TESMIN: variants seen among roughly 807,000 people sequenced by gnomAD.
TESMIN encodes the protein CXC domain containing 2.
In TESMIN, 34 loss-of-function variants were observed where a neutral mutation model predicts 47.4. The ratio of observed to expected loss-of-function variants is 0.72; its 90% CI spans 0.55 to 0.96. The LOEUF (loss-of-function observed/expected upper bound fraction) is 0.96. TESMIN is among the 40% of genes least tolerant of loss of function. TESMIN has a pLI of 0.00. For synonymous variants in TESMIN, 278 were observed against 258.9 expected, an observed-to-expected ratio of 1.07 and a Z score of -0.71; for missense variants, 610 against 637.2, an observed-to-expected ratio of 0.96 and a Z score of 0.46.
intron 6 of TESMIN, chr11:68,737,794 T>G (rs7119793): frequency 0.62 from 458,084 of 741,600 alleles, 143,101 homozygotes; most frequent in East Asian, 0.78. Flanking sequence ...GCGCCTGTGG[T>G]CCCAGCTACT....
At chr11:68,720,616 G>A (rs1041665751) in intron 6 of TESMIN, among the ~76,000 whole-genome samples, 5 of 151,932 alleles carry the variant, frequency 3.3e-5, no homozygotes, top group South Asian at 2.1e-4. Flanking sequence ...TGCACCCCTC[G>A]TGCTGCTCCA....
intron 6 of TESMIN, among the ~76,000 whole-genome samples, chr11:68,716,525 C>T (rs142298725): frequency 1.7e-3 from 265 of 152,296 alleles, no homozygotes; most frequent in African/African-American, 5.5e-3. Flanking sequence ...GAGGGTTGTT[C>T]GAGAATCCTG....
chr11:68,738,832 T>C, intron 5 of TESMIN, 44 bp from the exon 6 acceptor site: 1 of 1,546,992 alleles, frequency 6.5e-7, no homozygotes, highest in Non-Finnish European at 8.9e-7. Context: ...TAGCAAGGAT[T>C]TTTAAAGTTC....
intron 5 of TESMIN, among the ~76,000 whole-genome samples, chr11:68,740,050 G>A (rs1210288736): frequency 6.6e-6 from 1 of 152,178 alleles, no homozygotes; most frequent in African/African-American, 2.4e-5. Flanking sequence ...GAATCCACGA[G>A]TTTCTTCAGC....
intron 2 of TESMIN, among the ~76,000 whole-genome samples, chr11:68,749,520 A>C (rs1023190020): frequency 6.6e-6 from 1 of 152,156 alleles, no homozygotes; most frequent in Non-Finnish European, 1.5e-5. Context: ...TTCCTTTGAA[A>C]ACTCATTAGT....
In TESMIN at chr11:68,715,918, A is replaced by G. The variant is rs774923026; in HGVS notation, c.939T>C (p.Ser313=). 1.2e-6 allele frequency: 2 copies of G among 1,612,506 alleles called. No individual in the cohort carries two copies. Among genetic ancestry groups the G allele is most frequent in the Non-Finnish European group, 1.7e-6 (2 of 1,178,578 alleles). The change falls in exon 7 of 10, where the codon AGT becomes AGC. Residue 313 remains serine, a synonymous_variant. Coordinates refer to ENST00000255087, the MANE Select transcript of TESMIN (RefSeq NM_004923.3). The stretch of plus-strand genomic sequence containing the variant: ...AATTGCAGTTGTTGCAAAAGTCCCC[A>G]CTGGCAAAGCAGTCACAGTACCTGT... ...TLAGYCDCFA[S]GDFCNNCNCN...
chr11:68,730,172 A>G (rs1204899301), intron 6 of TESMIN, among the ~76,000 whole-genome samples: 1 of 152,224 alleles, frequency 6.6e-6, no homozygotes, highest in African/African-American at 2.4e-5. Flanking sequence ...TTGCACACTG[A>G]TTGTACTACA....
In TESMIN at chr11:68,750,260, CTGCGG is replaced by C; in HGVS notation, c.396_400del (p.His132GlnfsTer26). On this transcript the variant is annotated frameshift_variant, in exon 2 of 10. Coordinates refer to ENST00000255087, the MANE Select transcript of TESMIN (RefSeq NM_004923.3). LOFTEE classifies it high-confidence loss of function. ...GGCGCCCAGGGGCAACACCGCCGGG[CTGCGG>C]TGCGCGGGTAGCAGCGAGGACAGGA... 1 of 1,543,974 alleles carries C rather than the reference CTGCGG, an allele frequency of 6.5e-7. No individual in the cohort carries two copies. The highest frequency in any genetic ancestry group is 8.7e-7 in the Non-Finnish European group (1 of 1,154,588).
intron 6 of TESMIN, chr11:68,737,015 T>C (rs1048557697): frequency 1.0e-6 from 1 of 985,428 alleles, no homozygotes; most frequent in Non-Finnish European, 1.2e-6. Context: ...TTGAATGTTC[T>C]AGACACAATA....
intron 3 of TESMIN, among the ~76,000 whole-genome samples, 189 bp from the exon 4 acceptor site, chr11:68,745,300 C>CAA (rs71993839): frequency 8.3e-4 from 60 of 72,400 alleles, no homozygotes; most frequent in South Asian, 5.5e-3. Context: ...CACCAAAGGG[C>CAA]AAAAAAAAAA....
chr11:68,746,774 T>C (rs1946525840), intron 3 of TESMIN, among the ~76,000 whole-genome samples: 1 of 152,142 alleles, frequency 6.6e-6, no homozygotes, highest in East Asian at 1.9e-4. Flanking sequence ...AAATATGACA[T>C]AAACCACAGC....
rs1410573910 is a variant in TESMIN, at chr11:68,750,205, G to C, written c.456C>G (p.Gly152=). The C allele has an allele frequency of 6.7e-7, 1 of 1,490,240 alleles. No homozygotes were observed. The highest frequency in any genetic ancestry group is 1.5e-5 in the African/African-American group (1 of 68,662). 92.3% of individuals were successfully genotyped at this position (1,490,240 alleles called of 1,614,324 possible). ...CGGTTCTTACTGGGATCATGCGGAC[G>C]CCCGGGTGGGAGGCTCCTTCCAGGA... ...AWVLEGASHP[G]VRMIPVEIKE... The change falls in exon 2 of 10, where the codon GGC becomes GGG. Residue 152 remains glycine, a synonymous_variant. Transcript: ENST00000255087.
chr11:68,750,320 G>A lies in TESMIN; in HGVS notation c.341C>T (p.Ala114Val). 2 of 1,511,038 alleles carry A rather than the reference G, an allele frequency of 1.3e-6. No individual in the cohort carries two copies. Among genetic ancestry groups the A allele is most frequent in the Non-Finnish European group, 1.8e-6 (2 of 1,134,072 alleles). 93.6% of individuals were successfully genotyped at this position (1,511,038 alleles called of 1,614,324 possible). A position where few individuals can be genotyped will look rare whatever the true frequency, so the allele number is the denominator to read the frequency against. The stretch of plus-strand genomic sequence containing the variant: ...CACGTTGCAGGCGGGCGGCTGCGGG[G>A]CCTGCAGGAGCGCGACGTCCTCCAG... ...SALEDVALLQ[A>V]PQPPACNVHF... The change falls in exon 2 of 10, where the codon GCC (alanine) becomes GTC (valine). Residue 114 changes from alanine to valine, a missense_variant. By Grantham distance (64) the Ala-to-Val change is moderately conservative. Coordinates refer to ENST00000255087, the MANE Select transcript of TESMIN (RefSeq NM_004923.3).
In TESMIN at chr11:68,708,270, G is replaced by A; in HGVS notation, c.*38C>T. Reference sequence around the variant, plus strand: ...ATCCTTTCTAAACTAGAGATTTCTAGACTAAGACAAAATCAACATGCATTC... The same window carrying A: ...ATCCTTTCTAAACTAGAGATTTCTAAACTAAGACAAAATCAACATGCATTC... On this transcript the variant is annotated 3_prime_UTR_variant, in exon 10 of 10. Transcript: ENST00000255087. The A allele has an allele frequency of 6.6e-7, 1 of 1,524,516 alleles. No homozygotes were observed. The highest frequency in any genetic ancestry group is 8.9e-7 in the Non-Finnish European group (1 of 1,129,444). 94.4% of individuals were successfully genotyped at this position (1,524,516 alleles called of 1,614,324 possible).
chr11:68,746,998 G>A (rs1946529035), intron 3 of TESMIN: 2 of 590,144 alleles, frequency 3.4e-6, no homozygotes, highest in Non-Finnish European at 6.0e-6. Context: ...CCTCATCTTT[G>A]TTCAATTTGC....
At position 68,715,842 on chromosome 11, in the gene TESMIN, T is replaced by G. The variant is rs763444744; in HGVS notation, c.1015A>C (p.Ile339Leu). 1 of 1,590,836 alleles carries G rather than the reference T, an allele frequency of 6.3e-7. No individual in the cohort carries two copies. Among genetic ancestry groups the G allele is most frequent in the Non-Finnish European group, 8.6e-7 (1 of 1,159,238 alleles). ...ATTTAATGGACATTTATTACCTTAA[T>G]GGCTTTAAACCGTTCAATATCATGA... ...LHHDIERFKAIKACLGRNPEA... is the reference protein window; with the variant it reads ...LHHDIERFKALKACLGRNPEA... Residue 339 changes from isoleucine to leucine, a missense_variant, in exon 7 of 10, where the codon ATT becomes CTT. Coordinates refer to ENST00000255087, the MANE Select transcript of TESMIN (RefSeq NM_004923.3).
rs1175329038 is a variant in TESMIN at position 68,745,089 on chromosome 11, C to T, written c.653G>A (p.Gly218Asp). 3 of 1,577,714 alleles carry T rather than the reference C, an allele frequency of 1.9e-6. No individual in the cohort carries two copies. In the South Asian group the frequency reaches 3.6e-5, roughly 19 times the overall value. ...NPMVICQLKG[G>D]TQMLCIDNSR... The stretch of plus-strand genomic sequence containing the variant: ...ATTGTCTATACATAGCATTTGTGTG[C>T]CCCCTTTCAATTGGCATATCACCTA... Residue 218 changes from glycine to aspartate, a missense_variant, in exon 4 of 10, where the codon GGC becomes GAC. By Grantham distance (94) the Gly-to-Asp change is moderately conservative. Coordinates refer to ENST00000255087, the MANE Select transcript of TESMIN (RefSeq NM_004923.3).
chr11:68,732,083 C>T (rs1395655636), intron 6 of TESMIN, among the ~76,000 whole-genome samples: 4 of 152,130 alleles, frequency 2.6e-5, no homozygotes, highest in African/African-American at 7.2e-5. Flanking sequence ...GTGTAGACAT[C>T]GAGTAGATTG....
intron 6 of TESMIN, among the ~76,000 whole-genome samples, chr11:68,734,694 C>G (rs1946366956): frequency 6.6e-6 from 1 of 152,168 alleles, no homozygotes; most frequent in Admixed American, 6.5e-5. Context: ...CTTGGGTTTT[C>G]CCCCAGAGCT....
Sources: gnomAD v4.1 joint callset for allele counts (sites outside exome capture counted in the v4.1 genomes callset) on GRCh38, gnomAD v4.1.1 for gene constraint, MANE v1.5 for transcripts, NCBI Gene and HGNC (gene_info 2026-07-23, HGNC 2026-07-21) for gene names.